CADPS: variants seen among roughly 807,000 people sequenced by gnomAD.
CADPS encodes calcium-dependent secretion activator 1.
CADPS carries 57 observed loss-of-function variants against 167.3 expected under a neutral mutation model. The observed-to-expected ratio is 0.34, with a 90% CI of 0.28 to 0.42. The LOEUF (loss-of-function observed/expected upper bound fraction) is 0.42, where lower values mean the gene tolerates loss of function less well. Ranked by LOEUF, CADPS falls within the 20% of genes least tolerant of loss-of-function variation. The probability of loss-of-function intolerance (pLI) is 1.00; values close to 1 mark genes in which losing one functional copy is unlikely to be tolerated. For missense variants in CADPS, 1,414 were observed against 1,738.1 expected (o/e 0.81, Z 3.32); for synonymous variants, 676 against 635.3 (o/e 1.06, Z -0.96).
intron 1 of CADPS, among the ~76,000 whole-genome samples, chr3:62,808,077 G>A (rs2152846096): frequency 6.6e-6 from 1 of 151,850 alleles, no homozygotes; most frequent in Non-Finnish European, 1.5e-5. Context: ...GTTTCACTAT[G>A]TTGGCCAGAC....
At chr3:62,794,043 T>C (rs2152752483) in intron 1 of CADPS, among the ~76,000 whole-genome samples, 1 of 152,210 alleles carries the variant, frequency 6.6e-6, no homozygotes, top group African/African-American at 2.4e-5. Flanking sequence ...ACTCAAAATC[T>C]GCCAAGATAC....
intron 3 of CADPS, among the ~76,000 whole-genome samples, chr3:62,706,616 C>T: frequency 6.6e-6 from 1 of 152,100 alleles, no homozygotes. Flanking sequence ...GGGCCTCTCC[C>T]TAGCTTCTGA....
At position 62,449,627 on chromosome 3, in the gene CADPS, G is replaced by A. The variant is rs369531617; in HGVS notation, c.3637-3830C>T. 2.6e-5 allele frequency among the ~76,000 whole-genome samples: 4 copies of A among 152,160 alleles called. No individual in the cohort carries two copies. The South Asian group carries it at 8.3e-4, about 32-fold the overall frequency. On this transcript the variant is annotated intron_variant, in intron 26 of 29. Coordinates refer to ENST00000383710, the MANE Select transcript of CADPS (RefSeq NM_003716.4). ...TGCCAGAAAATCCAAGCATGCACCA[G>A]GCACTGTATCTAGATCAAATAACCA...
At chr3:62,668,128 A>C (rs2074824683) in intron 3 of CADPS, among the ~76,000 whole-genome samples, 1 of 152,228 alleles carries the variant, frequency 6.6e-6, no homozygotes, top group African/African-American at 2.4e-5. Context: ...CAGTCAACCA[A>C]AGAGAGGATG....
intron 29 of CADPS, among the ~76,000 whole-genome samples, chr3:62,400,690 C>T (rs545079656): frequency 4.0e-5 from 6 of 151,274 alleles, no homozygotes; most frequent in East Asian, 2.0e-4. Flanking sequence ...ACCTCCACCC[C>T]CTGGGTTCAA....
chr3:62,670,376 AATC>A (rs1012514947), intron 3 of CADPS, among the ~76,000 whole-genome samples: 8 of 152,302 alleles, frequency 5.3e-5, no homozygotes, highest in African/African-American at 1.7e-4. Context: ...TGTTACAAAA[AATC>A]ATCCAAGGAG....
intron 1 of CADPS, among the ~76,000 whole-genome samples, chr3:62,863,294 T>C (rs1374748273): frequency 6.6e-6 from 1 of 152,124 alleles, no homozygotes; most frequent in Non-Finnish European, 1.5e-5. Flanking sequence ...CTAAGACAAA[T>C]TTCTTATCTG....
At chr3:62,487,766 A>G (rs533751509) in intron 21 of CADPS, among the ~76,000 whole-genome samples, 11 of 152,292 alleles carry the variant, frequency 7.2e-5, no homozygotes, top group African/African-American at 2.6e-4. Flanking sequence ...AATAACCTTA[A>G]TTGTATCAAG....
intron 3 of CADPS, among the ~76,000 whole-genome samples, chr3:62,744,291 A>C (rs1236858378): frequency 1.3e-5 from 2 of 152,170 alleles, no homozygotes; most frequent in African/African-American, 4.8e-5. Flanking sequence ...GTTCACTCTA[A>C]AAGAATGATG....
At chr3:62,456,992 T>G (rs1348993396) in intron 26 of CADPS, among the ~76,000 whole-genome samples, 2 of 152,224 alleles carry the variant, frequency 1.3e-5, no homozygotes, top group East Asian at 3.9e-4. Context: ...AGAAAGTTCC[T>G]TCGATTGAAT....
chr3:62,583,214 G>A (rs1235454469), intron 8 of CADPS, among the ~76,000 whole-genome samples: 2 of 148,536 alleles, frequency 1.3e-5, no homozygotes, highest in Admixed American at 1.3e-4. Flanking sequence ...GCTCACTCAT[G>A]TGCTGGTTCC....
intron 3 of CADPS, among the ~76,000 whole-genome samples, chr3:62,727,573 A>T (rs1259162404): frequency 6.6e-6 from 1 of 151,866 alleles, no homozygotes; most frequent in East Asian, 1.9e-4. Flanking sequence ...TGTCTGTGAA[A>T]GTGTGCAATG....
At chr3:62,407,135 ACATCATCAT>A (rs79885636) in intron 28 of CADPS, among the ~76,000 whole-genome samples, 4 of 151,114 alleles carry the variant, frequency 2.6e-5, no homozygotes, top group African/African-American at 4.9e-5. Flanking sequence ...ACTGCAATCA[ACATCATCAT>A]CATCATCATC....
chr3:62,855,756 G>T (rs2153140208), intron 1 of CADPS, among the ~76,000 whole-genome samples: 1 of 152,096 alleles, frequency 6.6e-6, no homozygotes, highest in East Asian at 1.9e-4. Context: ...TTCGCTGATT[G>T]AAGTTTCATA....
chr3:62,552,477 A>G (rs2152286558), intron 10 of CADPS, among the ~76,000 whole-genome samples: 1 of 152,322 alleles, frequency 6.6e-6, no homozygotes, highest in African/African-American at 2.4e-5. Context: ...TGTATTTTAG[A>G]TTACTCAGCA....
At chr3:62,472,045 T>C (rs1435902609) in intron 24 of CADPS, among the ~76,000 whole-genome samples, 2 of 151,640 alleles carry the variant, frequency 1.3e-5, no homozygotes, top group East Asian at 1.9e-4. Context: ...GAACAATACA[T>C]GCTACAGCAT....
intron 6 of CADPS, among the ~76,000 whole-genome samples, chr3:62,613,456 A>G (rs985202647): frequency 6.6e-6 from 1 of 152,192 alleles, no homozygotes; most frequent in Non-Finnish European, 1.5e-5. Flanking sequence ...TGGCTTGAAC[A>G]AAGATCAGTT....
chr3:62,698,560 G>A (rs2080782391), intron 3 of CADPS, among the ~76,000 whole-genome samples: 1 of 151,976 alleles, frequency 6.6e-6, no homozygotes, highest in African/African-American at 2.4e-5. Flanking sequence ...CTTTTGCCCT[G>A]TGGGACCTCA....
chr3:62,519,604 G>A (rs1010422818), intron 13 of CADPS, among the ~76,000 whole-genome samples: 5 of 152,062 alleles, frequency 3.3e-5, no homozygotes, highest in African/African-American at 1.2e-4. Context: ...AATCTCAAAT[G>A]TTAATTTACA....
Sources: allele counts gnomAD v4.1 joint callset (sites outside exome capture counted in the v4.1 genomes callset), GRCh38; gene constraint gnomAD v4.1.1; transcripts MANE v1.5; gene names NCBI Gene and HGNC (gene_info 2026-07-23, HGNC 2026-07-21).